The following TIMM44 variants were observed in gnomAD, a reference collection of about 807,000 sequenced individuals.
The protein encoded by TIMM44 is translocase of inner mitochondrial membrane 44, also known as mitochondrial import inner membrane translocase subunit TIM44.
A neutral mutation model predicts 63.8 loss-of-function variants in TIMM44; 37 were observed. The ratio of observed to expected loss-of-function variants is 0.58; its 90% CI spans 0.45 to 0.76. The LOEUF (loss-of-function observed/expected upper bound fraction) is 0.76. TIMM44 is among the 30% of genes least tolerant of loss of function. The pLI is 0.00. For missense variants in TIMM44, 573 were observed against 603.8 expected (o/e 0.95, Z 0.54); for synonymous variants, 239 against 245.1 (o/e 0.98, Z 0.23).
chr19:7,932,562 C>T (rs920014621), intron 9 of TIMM44, 65 bp downstream of exon 9: 9 of 1,567,386 alleles, frequency 5.7e-6, no homozygotes, highest in South Asian at 1.2e-5. Flanking sequence ...GTGCCGGCTG[C>T]GGCGGGGGAG....
intron 3 of TIMM44, among the ~76,000 whole-genome samples, chr19:7,937,180 G>C (rs1984180065): frequency 6.6e-6 from 1 of 152,070 alleles, no homozygotes; most frequent in South Asian, 2.1e-4. Flanking sequence ...CCGGGAGGCT[G>C]AGGCAGGAGA....
chr19:7,931,065 C>G (rs1983967337), intron 10 of TIMM44, 73 bp downstream of exon 10: 1 of 1,475,548 alleles, frequency 6.8e-7, no homozygotes, highest in Non-Finnish European at 9.4e-7. Context: ...AACGGAGCCA[C>G]CGAAGTGGAA....
In TIMM44 at chr19:7,927,267, G is replaced by A; in HGVS notation, c.1279C>T (p.Arg427Ter). The change falls in exon 13 of 13, where the codon CGA becomes TGA. Residue 427 changes from arginine to a stop codon, truncating the protein, a stop_gained. Transcript: ENST00000270538. LOFTEE classifies it high-confidence loss of function. Reference protein sequence around the residue: ...LRMLYVWALCRDQDELNPYAA... With the variant: ...LRMLYVWALC Reference sequence around the variant, plus strand: ...TAGGGGTTGAGCTCGTCCTGGTCTCGGCAGAGCGCCCACACGTACAGCATC... The same window carrying A: ...TAGGGGTTGAGCTCGTCCTGGTCTCAGCAGAGCGCCCACACGTACAGCATC... 1.9e-6 allele frequency: 3 copies of A among 1,612,154 alleles called. No homozygotes were observed. The highest frequency in any genetic ancestry group is 1.3e-5 in the African/African-American group (1 of 75,006).
At position 7,932,925 on chromosome 19, in the gene TIMM44, G is replaced by A. The variant is rs1489853936; in HGVS notation, c.777C>T (p.Phe259=). 4.3e-6 allele frequency: 7 copies of A among 1,613,926 alleles called. No individual in the cohort carries two copies. The highest frequency in any genetic ancestry group is 1.7e-5 in the Admixed American group (1 of 59,998). The change falls in exon 8 of 13, where the codon TTC becomes TTT. Residue 259 remains phenylalanine (F), a synonymous_variant. Coordinates refer to ENST00000270538, the MANE Select transcript of TIMM44 (RefSeq NM_006351.4). ...TTTCGTCATACTTCATCTTCATCTC[G>A]AAGAACCCTGTGGAAGATGGGGTAG... ...KENNVVFNRF[F]EMKMKYDESD... is the part of the protein sequence containing the mutation.
intron 12 of TIMM44, 62 bp from the exon 13 acceptor site, chr19:7,927,368 G>T: frequency 1.3e-6 from 2 of 1,589,912 alleles, no homozygotes; most frequent in Non-Finnish European, 8.5e-7. Context: ...CAGCTCTGGG[G>T]GGGGGCCAGG....
rs1174809170 is a variant in TIMM44 at position 7,927,888 on chromosome 19, TCCCTCC to T, written c.1129-127_1129-122del. On this transcript the variant is annotated intron_variant, in intron 11 of 12. Transcript: ENST00000270538. ...GCTCCAGCACCAGGCCCAGCACCGG[TCCCTCC>T]CCGTGGGCCTTGCCTCTCAGGCCAG... The T allele has an allele frequency of 2.6e-6, 3 of 1,159,250 alleles. No homozygotes were observed. In the African/African-American group the frequency reaches 4.6e-5, roughly 18 times the overall value. 71.8% of individuals were successfully genotyped at this position (1,159,250 alleles called of 1,614,324 possible). A position where few individuals can be genotyped will look rare whatever the true frequency, so the allele number is the denominator to read the frequency against.
chr19:7,938,523 C>A (rs901200194), intron 2 of TIMM44, among the ~76,000 whole-genome samples: 2 of 152,014 alleles, frequency 1.3e-5, no homozygotes, highest in African/African-American at 2.4e-5. Flanking sequence ...ATTTAAAAAA[C>A]AGGCTGGGCG....
intron 3 of TIMM44, 73 bp downstream of exon 3, chr19:7,937,954 G>A: frequency 1.3e-6 from 2 of 1,571,972 alleles, no homozygotes; most frequent in South Asian, 1.1e-5. Context: ...GGAGGTGGAG[G>A]TTGCAGTGAG....
chr19:7,933,396 C>T lies in TIMM44; in HGVS notation c.769+89G>A. On this transcript the variant is annotated intron_variant, in intron 7 of 12. Coordinates refer to ENST00000270538, the MANE Select transcript of TIMM44 (RefSeq NM_006351.4). The surrounding 1 kb of genome is among the most constrained non-coding windows in gnomAD (Gnocchi z 4.3). ...CGATCTCCTCCTCTGCAAAACGGGG[C>T]TGTCTTGTGCCCAATGCAGGGGGAT... is the stretch of plus-strand genomic sequence containing the variant. 8.5e-7 allele frequency: 1 copy of T among 1,175,812 alleles called. No individual in the cohort carries two copies. The highest frequency in any genetic ancestry group is 1.2e-5 in the South Asian group (1 of 82,126). 72.8% of individuals were successfully genotyped at this position (1,175,812 alleles called of 1,614,324 possible).
chr19:7,933,684 T>G lies in TIMM44; in HGVS notation c.684-114A>C, dbSNP rs1984052601. On this transcript the variant is annotated intron_variant, in intron 6 of 12. Coordinates refer to ENST00000270538, the MANE Select transcript of TIMM44 (RefSeq NM_006351.4). This position sits in a 1 kb window ranked among gnomAD's most constrained non-coding sequence, Gnocchi z 4.3. ...CAGCAGGCAGCTGAGACCTCAAACC[T>G]AGGGGCTCTGAGGACCCCGCCCTCA... The G allele has an allele frequency of 5.4e-6, 7 of 1,291,442 alleles. No homozygotes were observed. The highest frequency in any genetic ancestry group is 6.7e-6 in the Non-Finnish European group (6 of 894,294). The allele number at this position is 1,291,442 out of a possible 1,614,324, so 80.0% of individuals were successfully genotyped here. A position where few individuals can be genotyped will look rare whatever the true frequency, so the allele number is the denominator to read the frequency against.
chr19:7,927,971 A>G (rs1983862675), intron 11 of TIMM44, 106 bp downstream of exon 11: 2 of 1,235,368 alleles, frequency 1.6e-6, no homozygotes, highest in Non-Finnish European at 2.3e-6. Context: ...GACCTCTTGG[A>G]TCAGCCCATG....
At chr19:7,927,576 G>A (rs1983849191) in intron 12 of TIMM44, 81 bp downstream of exon 12, 2 of 1,387,642 alleles carry the variant, frequency 1.4e-6, no homozygotes, top group Non-Finnish European at 2.0e-6. Flanking sequence ...GCTCTGAGCT[G>A]GGGTCTCTGC....
Position 7,935,165 on chromosome 19 carries a change from T to C in TIMM44, c.313-20A>G. The C allele has an allele frequency of 6.7e-7, 1 of 1,497,060 alleles. No homozygotes were observed. The highest frequency in any genetic ancestry group is 9.0e-7 in the Non-Finnish European group (1 of 1,111,302). The allele number at this position is 1,497,060 out of a possible 1,614,324, so 92.7% of individuals were successfully genotyped here. A position where few individuals can be genotyped will look rare whatever the true frequency, so the allele number is the denominator to read the frequency against. On this transcript the variant is annotated intron_variant, in intron 3 of 12. Transcript: ENST00000270538. Reference sequence around the variant, plus strand: ...GGTTTTCTAGGTAAAGAGCGCTGTGTCCTTTTTTTTTTTTTTTTTTTTGAG... The same window carrying C: ...GGTTTTCTAGGTAAAGAGCGCTGTGCCCTTTTTTTTTTTTTTTTTTTTGAG...
Position 7,932,723 on chromosome 19 carries a change from C to G in TIMM44, c.891G>C (p.Ser297=), listed in dbSNP as rs749735247. Residue 297 remains serine (S), a synonymous_variant, in exon 9 of 13, where the codon TCG becomes TCC. Coordinates refer to ENST00000270538, the MANE Select transcript of TIMM44 (RefSeq NM_006351.4). ...CCCGGAGGATCTCCGTGAGCACCTCCGACATCTCTGTCTTGGAGAACAGGC... is the reference window on the plus strand; with the variant it reads ...CCCGGAGGATCTCCGTGAGCACCTCGGACATCTCTGTCTTGGAGAACAGGC... ...LGGLFSKTEM[S]EVLTEILRVD... The G allele has an allele frequency of 1.9e-6, 3 of 1,614,118 alleles. No homozygotes were observed. The highest frequency in any genetic ancestry group is 2.5e-6 in the Non-Finnish European group (3 of 1,179,990).
rs766115379 is a variant in TIMM44, at chr19:7,927,677, C to T, written c.1219G>A (p.Glu407Lys). 1.6e-5 allele frequency: 26 copies of T among 1,613,424 alleles called. No homozygotes were observed. Among genetic ancestry groups the T allele is most frequent in the Middle Eastern group, 1.6e-4 (1 of 6,084 alleles). ...CTCACCGGGTCACCCTCCACCACCTCGCCTTTGGGGTTCCTGACCACCATC... is the reference window on the plus strand; with the variant it reads ...CTCACCGGGTCACCCTCCACCACCTTGCCTTTGGGGTTCCTGACCACCATC... ...LVMVVRNPKG[E>K]VVEGDPDKVL... is the part of the protein sequence containing the mutation. The change falls in exon 12 of 13, where the codon GAG becomes AAG. Residue 407 changes from glutamate (E) to lysine (K), a missense_variant. Transcript: ENST00000270538.
At chr19:7,937,994 G>A (rs961747739) in intron 3 of TIMM44, 33 bp downstream of exon 3, 2 of 1,613,304 alleles carry the variant, frequency 1.2e-6, no homozygotes, top group East Asian at 2.2e-5. Flanking sequence ...CTCCAGCCTG[G>A]GTGAGGGAAA....
chr19:7,933,820 G>T lies in TIMM44; in HGVS notation c.683+44C>A. 1 of 1,612,804 alleles carries T rather than the reference G, an allele frequency of 6.2e-7. No individual in the cohort carries two copies. On this transcript the variant is annotated intron_variant, in intron 6 of 12. Coordinates refer to ENST00000270538, the MANE Select transcript of TIMM44 (RefSeq NM_006351.4). This position sits in a 1 kb window ranked among gnomAD's most constrained non-coding sequence, Gnocchi z 4.3. ...GCTCCCGAAATGGACAGCAGTGAAAGCTGCCCAAAATGGGGGCAGCGAGGG... is the reference window on the plus strand; with the variant it reads ...GCTCCCGAAATGGACAGCAGTGAAATCTGCCCAAAATGGGGGCAGCGAGGG...
At position 7,934,547 on chromosome 19, in the gene TIMM44, G is replaced by C. The variant is rs923453875; in HGVS notation, c.394-309C>G. On this transcript the variant is annotated intron_variant, in intron 4 of 12. Transcript: ENST00000270538. This position sits in a 1 kb window ranked among gnomAD's most constrained non-coding sequence, Gnocchi z 5.3. Reference sequence around the variant, plus strand: ...TCCGGGATGCTGGCCCTGGGCTCTGGGTGAGACGCTGGGTCTGCTGGCCCC... The same window carrying C: ...TCCGGGATGCTGGCCCTGGGCTCTGCGTGAGACGCTGGGTCTGCTGGCCCC... Among the ~76,000 whole-genome samples the C allele has an allele frequency of 6.6e-6, 1 of 152,118 alleles. No homozygotes were observed. Among genetic ancestry groups the C allele is most frequent in the Non-Finnish European group, 1.5e-5 (1 of 68,016 alleles).
At chr19:7,936,080 GGAA>G (rs1181669382) in intron 3 of TIMM44, among the ~76,000 whole-genome samples, 1 of 152,158 alleles carries the variant, frequency 6.6e-6, no homozygotes, top group Non-Finnish European at 1.5e-5. Context: ...CCTGAACATG[GGAA>G]GGTCAAAACT....
Sources: allele counts gnomAD v4.1 joint callset (sites outside exome capture counted in the v4.1 genomes callset), GRCh38; gene constraint gnomAD v4.1.1; non-coding constraint Gnocchi (gnomAD v3.1); transcripts MANE v1.5; gene names NCBI Gene and HGNC (gene_info 2026-07-23, HGNC 2026-07-21).